The following PPIC variants were observed in gnomAD, a reference collection of about 807,000 sequenced individuals.
The protein encoded by PPIC is peptidyl-prolyl cis-trans isomerase C.
Under a neutral mutation model 19.5 loss-of-function variants are expected in PPIC, and 19 were observed. The ratio of observed to expected loss-of-function variants is 0.98; its 90% CI spans 0.68 to 1.43. The LOEUF (loss-of-function observed/expected upper bound fraction) is 1.43, where lower values mean the gene tolerates loss of function less well. Among genes scored for constraint, PPIC ranks in the 40% most tolerant of loss-of-function variants. The pLI, the probability that PPIC is intolerant of heterozygous loss-of-function variation, is 0.00. For synonymous variants in PPIC, 107 were observed against 101.2 expected (o/e 1.06, Z -0.34); for missense variants, 268 against 268.6 (o/e 1.00, Z 0.02).
rs1339845505 is a variant in PPIC at position 123,029,190 on chromosome 5, ATG to A, written c.231+113_231+114del. The stretch of plus-strand genomic sequence containing the variant: ...ATATTTAATTGGAAAATAAAGTCAA[ATG>A]TGGTAAGGTTCATCTGACATACTAA... On this transcript the variant is annotated intron_variant, in intron 2 of 4. Transcript: ENST00000306442. The A allele has an allele frequency of 6.4e-6, 10 of 1,560,462 alleles. No individual in the cohort carries two copies. In the Admixed American group the frequency reaches 1.9e-4, roughly 29 times the overall value.
intron 3 of PPIC, among the ~76,000 whole-genome samples, chr5:123,027,987 CTTTG>C (rs1396365401): frequency 6.6e-6 from 1 of 152,186 alleles, no homozygotes; most frequent in Non-Finnish European, 1.5e-5. Flanking sequence ...TGAACTCCAA[CTTTG>C]TTTGTAAGAG....
In PPIC at chr5:123,036,132, C is replaced by A; in HGVS notation, c.117+377G>T. 1 of 235,194 alleles carries A rather than the reference C, an allele frequency of 4.3e-6. No individual in the cohort carries two copies. Among genetic ancestry groups the A allele is most frequent in the South Asian group, 5.3e-5 (1 of 18,976 alleles). 14.6% of individuals were successfully genotyped at this position (235,194 alleles called of 1,614,324 possible). On this transcript the variant is annotated intron_variant, in intron 1 of 4. Coordinates refer to ENST00000306442, the MANE Select transcript of PPIC (RefSeq NM_000943.5). This position sits in a 1 kb window ranked among gnomAD's most constrained non-coding sequence, Gnocchi z 4.5. ...CCCGCCCCCCTCCCCGCATTCCTCT[C>A]GTTCTGCTCCCGAGCCCAGGCCACG...
At chr5:123,033,402 T>C (rs1028462333) in intron 1 of PPIC, among the ~76,000 whole-genome samples, 3 of 152,096 alleles carry the variant, frequency 2.0e-5, no homozygotes, top group African/African-American at 7.2e-5. Flanking sequence ...ACTTTGTTAG[T>C]TCCCATGAGA....
At chr5:123,028,996 G>C (rs931093931) in intron 2 of PPIC, 128 bp from the exon 3 acceptor site, 2 of 881,276 alleles carry the variant, frequency 2.3e-6, no homozygotes, top group Non-Finnish European at 3.4e-6. Context: ...TTCTATCCCA[G>C]CTATGGTTTA....
Position 123,036,661 on chromosome 5 carries a change from C to A in PPIC, c.-36G>T. On this transcript the variant is annotated 5_prime_UTR_variant, in exon 1 of 5. Coordinates refer to ENST00000306442, the MANE Select transcript of PPIC (RefSeq NM_000943.5). The surrounding 1 kb of genome is among the most constrained non-coding windows in gnomAD (Gnocchi z 4.5). Reference sequence around the variant, plus strand: ...GGCAGCGGCGCTACCGGCACGGGCGCTACCGGCACGGGCGCGACACAGGCT... The same window carrying A: ...GGCAGCGGCGCTACCGGCACGGGCGATACCGGCACGGGCGCGACACAGGCT... 1.3e-6 allele frequency: 2 copies of A among 1,529,210 alleles called. No homozygotes were observed. The highest frequency in any genetic ancestry group is 1.8e-6 in the Non-Finnish European group (2 of 1,129,318). 94.7% of individuals were successfully genotyped at this position (1,529,210 alleles called of 1,614,324 possible). A position where few individuals can be genotyped will look rare whatever the true frequency, so the allele number is the denominator to read the frequency against.
Position 123,028,875 on chromosome 5 carries a change from A to C in PPIC, c.232-7T>G. On this transcript the variant is annotated splice_region_variant and splice_polypyrimidine_tract_variant and intron_variant, in intron 2 of 4. Coordinates refer to ENST00000306442, the MANE Select transcript of PPIC (RefSeq NM_000943.5). ...CTTTATATCCATATCCTTTCTAAAG[A>C]GATTACTTCAGTTGAATAACAAGTA... 6.3e-7 allele frequency: 1 copy of C among 1,582,602 alleles called. No homozygotes were observed. Among genetic ancestry groups the C allele is most frequent in the Non-Finnish European group, 8.7e-7 (1 of 1,152,338 alleles).
intron 1 of PPIC, among the ~76,000 whole-genome samples, chr5:123,035,354 C>G (rs1581876925): frequency 6.6e-6 from 1 of 152,188 alleles, no homozygotes; most frequent in East Asian, 1.9e-4. Context: ...TGGCCTTGCA[C>G]AAACCATTTC....
chr5:123,034,216 T>G (rs1762975043), intron 1 of PPIC, among the ~76,000 whole-genome samples: 1 of 152,230 alleles, frequency 6.6e-6, no homozygotes, highest in African/African-American at 2.4e-5. Flanking sequence ...TCCAATAGAT[T>G]TAGTTGTCTT....
At chr5:123,030,867 C>G (rs961264268) in intron 1 of PPIC, among the ~76,000 whole-genome samples, 1 of 152,046 alleles carries the variant, frequency 6.6e-6, no homozygotes. Flanking sequence ...AGAGATGAAA[C>G]CTTAAAGAAA....
Position 123,025,980 on chromosome 5 carries a change from C to T in PPIC, c.326-12G>A, listed in dbSNP as rs749310789. On this transcript the variant is annotated splice_polypyrimidine_tract_variant and intron_variant, in intron 3 of 4. Coordinates refer to ENST00000306442, the MANE Select transcript of PPIC (RefSeq NM_000943.5). ...ATAGATGCTCACACCTGAGACAAAA[C>T]AAGGAAGAAAGTCAACAGATGTCTT... 1 of 1,578,214 alleles carries T rather than the reference C, an allele frequency of 6.3e-7. No individual in the cohort carries two copies. The highest frequency in any genetic ancestry group is 8.6e-7 in the Non-Finnish European group (1 of 1,165,160).
rs757034372 is a variant in PPIC at position 123,029,385 on chromosome 5, C to T, written c.151G>A (p.Val51Ile). Residue 51 changes from valine to isoleucine, a missense_variant, in exon 2 of 5, where the codon GTT (valine) becomes ATT (isoleucine). Transcript: ENST00000306442. Reference sequence around the variant, plus strand: ...AAGAGGCCAATCACAATTCTGCCAACATCTTTGTCTCCAATCCTCACATCA... The same window carrying T: ...AAGAGGCCAATCACAATTCTGCCAATATCTTTGTCTCCAATCCTCACATCA... ...FFDVRIGDKD[V>I]GRIVIGLFGK... 6.2e-7 allele frequency: 1 copy of T among 1,608,536 alleles called. No individual in the cohort carries two copies. The highest frequency in any genetic ancestry group is 1.7e-5 in the Admixed American group (1 of 59,548).
intron 3 of PPIC, among the ~76,000 whole-genome samples, chr5:123,028,050 A>G (rs574264307): frequency 2.0e-5 from 3 of 152,344 alleles, no homozygotes; most frequent in Admixed American, 2.0e-4. Flanking sequence ...TTAACTTTAA[A>G]AAAGTATTGG....
intron 2 of PPIC, 104 bp from the exon 3 acceptor site, chr5:123,028,972 C>T (rs1762903664): frequency 1.9e-6 from 2 of 1,043,596 alleles, no homozygotes; most frequent in Non-Finnish European, 2.8e-6. Flanking sequence ...AAACAAAATG[C>T]CTACAGAACT....
At chr5:123,031,074 A>AT (rs45576040) in intron 1 of PPIC, among the ~76,000 whole-genome samples, 1 of 148,944 alleles carries the variant, frequency 6.7e-6, no homozygotes, top group Non-Finnish European at 1.5e-5. Flanking sequence ...TATTATTATA[A>AT]TTTTTTTCCC....
At chr5:123,034,951 T>C (rs12055256) in intron 1 of PPIC, among the ~76,000 whole-genome samples, 27,377 of 152,182 alleles carry the variant, frequency 0.18, 2,942 homozygotes, top group East Asian at 0.48. Flanking sequence ...GCCATTCTTA[T>C]GCTTAAAACC....
intron 4 of PPIC, among the ~76,000 whole-genome samples, chr5:123,025,175 T>C (rs997718564): frequency 1.3e-5 from 2 of 152,214 alleles, no homozygotes; most frequent in Non-Finnish European, 2.9e-5. Context: ...TAACATAAAA[T>C]GTGCCATCTT....
At chr5:123,032,472 G>A (rs1472227877) in intron 1 of PPIC, among the ~76,000 whole-genome samples, 1 of 152,152 alleles carries the variant, frequency 6.6e-6, no homozygotes, top group Non-Finnish European at 1.5e-5. Context: ...GCAGGAGGAG[G>A]CAGTCAAGAA....
chr5:123,034,555 T>G (rs1476328813), intron 1 of PPIC, among the ~76,000 whole-genome samples: 1 of 152,194 alleles, frequency 6.6e-6, no homozygotes, highest in Non-Finnish European at 1.5e-5. Flanking sequence ...CCCATACAGA[T>G]TGTGATTGAC....
chr5:123,031,245 C>G (rs1349580776), intron 1 of PPIC, among the ~76,000 whole-genome samples: 2 of 152,180 alleles, frequency 1.3e-5, no homozygotes, highest in Non-Finnish European at 2.9e-5. Context: ...ATAAGAGAGT[C>G]CCTGTCCTAA....
Sources: allele counts gnomAD v4.1 joint callset (sites outside exome capture counted in the v4.1 genomes callset), GRCh38; gene constraint gnomAD v4.1.1; non-coding constraint Gnocchi (gnomAD v3.1); transcripts MANE v1.5; gene names NCBI Gene and HGNC (gene_info 2026-07-23, HGNC 2026-07-21).